The following TATDN1 variants were observed in gnomAD, a reference collection of about 807,000 sequenced individuals.
TATDN1 encodes deoxyribonuclease TATDN1.
Under a neutral mutation model 46.4 loss-of-function variants are expected in TATDN1, and 40 were observed. That is an observed-to-expected ratio of 0.86 (90% CI 0.67 to 1.12). The LOEUF is 1.12. Ranked by LOEUF, TATDN1 falls within the 50% of genes most tolerant of loss-of-function variation. The pLI is 0.00. For synonymous variants in TATDN1, 95 were observed against 105.6 expected (o/e 0.90, Z 0.62); for missense variants, 326 against 348.4 (o/e 0.94, Z 0.51).
At chr8:124,531,842 C>T (rs1820987200) in intron 1 of TATDN1, among the ~76,000 whole-genome samples, 1 of 152,250 alleles carries the variant, frequency 6.6e-6, no homozygotes, top group Middle Eastern at 3.4e-3. Flanking sequence ...CTGTCTACCC[C>T]ACTGAATCAT....
chr8:124,537,601 A>C (rs1440067410), intron 1 of TATDN1, among the ~76,000 whole-genome samples: 1 of 152,230 alleles, frequency 6.6e-6, no homozygotes, highest in Non-Finnish European at 1.5e-5. Flanking sequence ...TGGATTTAAG[A>C]CATTAACTTG....
chr8:124,495,009 A>T (rs1337585056), intron 10 of TATDN1: 1 of 158,618 alleles, frequency 6.3e-6, no homozygotes, highest in East Asian at 1.9e-4. Context: ...GGCGTGAGCC[A>T]CCGCGCCCGG....
intron 9 of TATDN1, among the ~76,000 whole-genome samples, chr8:124,495,766 A>C (rs62527901): frequency 0.15 from 23,517 of 152,232 alleles, 2,282 homozygotes; most frequent in Admixed American, 0.24. Context: ...CATGCTTATT[A>C]GTTGGTTTCC....
rs1222509908 is a variant in TATDN1 at position 124,501,141 on chromosome 8, A to T, written c.593+3130T>A. ...ACAGAGGAGTACAGGCGTCAGGCAC[A>T]GGCCTGAGCATGGAGACTGGGGCAG... On this transcript the variant is annotated intron_variant, in intron 9 of 11. Coordinates refer to ENST00000276692, the MANE Select transcript of TATDN1 (RefSeq NM_032026.4). 4.6e-5 allele frequency among the ~76,000 whole-genome samples: 7 copies of T among 152,366 alleles called. No individual in the cohort carries two copies. The East Asian group carries it at 1.4e-3, about 29-fold the overall frequency.
At chr8:124,514,735 A>G (rs1364640022) in intron 6 of TATDN1, among the ~76,000 whole-genome samples, 3 of 152,154 alleles carry the variant, frequency 2.0e-5, no homozygotes, top group Non-Finnish European at 2.9e-5. Flanking sequence ...ACACTCACCC[A>G]CCAGTATGAT....
chr8:124,535,820 C>A (rs987304150), intron 1 of TATDN1, among the ~76,000 whole-genome samples: 2 of 152,154 alleles, frequency 1.3e-5, no homozygotes, highest in Non-Finnish European at 2.9e-5. Context: ...TTGGGAGGAT[C>A]TCAGTAAGCT....
intron 8 of TATDN1, 114 bp downstream of exon 8, chr8:124,508,360 T>G: frequency 2.4e-6 from 2 of 819,956 alleles, no homozygotes; most frequent in Non-Finnish European, 1.9e-6. Flanking sequence ...TGTCATTATC[T>G]CATGCCAGTG....
chr8:124,528,319 G>A (rs559458459), intron 1 of TATDN1, among the ~76,000 whole-genome samples: 4 of 152,204 alleles, frequency 2.6e-5, no homozygotes, highest in Admixed American at 6.5e-5. Flanking sequence ...GACTACAGGC[G>A]CCTGCCGCCA....
intron 1 of TATDN1, among the ~76,000 whole-genome samples, chr8:124,529,450 CG>C (rs371353565): frequency 3.9e-5 from 6 of 152,118 alleles, no homozygotes; most frequent in African/African-American, 1.2e-4. Flanking sequence ...TGTAAGGATA[CG>C]GGGGGTTACA....
At chr8:124,511,031 G>C (rs571242826) in intron 6 of TATDN1, among the ~76,000 whole-genome samples, 1 of 152,056 alleles carries the variant, frequency 6.6e-6, no homozygotes, top group Admixed American at 6.6e-5. Flanking sequence ...AGAAAAACCC[G>C]CCATGGTAAC....
chr8:124,507,784 CAA>C (rs201337834), intron 8 of TATDN1, among the ~76,000 whole-genome samples: 11 of 93,540 alleles, frequency 1.2e-4, no homozygotes, highest in South Asian at 2.9e-4. Context: ...TCTTAATAAC[CAA>C]AAAAAAAAAA....
At chr8:124,493,092 G>GA (rs1037304102) in intron 11 of TATDN1, among the ~76,000 whole-genome samples, 17 of 151,808 alleles carry the variant, frequency 1.1e-4, no homozygotes, top group African/African-American at 3.6e-4. Flanking sequence ...AAAAACTACT[G>GA]AAAAAAAAGA....
intron 10 of TATDN1, 42 bp downstream of exon 10, chr8:124,495,430 G>T (rs1163395417): frequency 1.4e-6 from 2 of 1,455,824 alleles, no homozygotes; most frequent in Admixed American, 2.1e-5. Context: ...CTTTTTGTTT[G>T]GTATGGTTTA....
intron 11 of TATDN1, among the ~76,000 whole-genome samples, chr8:124,491,850 T>C (rs991235872): frequency 6.6e-6 from 1 of 152,246 alleles, no homozygotes; most frequent in Non-Finnish European, 1.5e-5. Context: ...AACTCATAAT[T>C]AGCAGTAGAT....
intron 1 of TATDN1, 78 bp from the exon 2 acceptor site, chr8:124,523,080 TA>T: frequency 7.5e-7 from 1 of 1,340,576 alleles, no homozygotes; most frequent in Non-Finnish European, 1.1e-6. Context: ...CTTCTGTTAC[TA>T]AACTTTTTGT....
At chr8:124,509,532 C>A (rs182732376) in intron 6 of TATDN1, among the ~76,000 whole-genome samples, 5 of 152,292 alleles carry the variant, frequency 3.3e-5, no homozygotes, top group Middle Eastern at 6.8e-3. Flanking sequence ...GTAGGTTCAA[C>A]TGAATCAGGA....
At chr8:124,495,835 CTGAG>C (rs1425404068) in intron 9 of TATDN1, among the ~76,000 whole-genome samples, 1 of 152,226 alleles carries the variant, frequency 6.6e-6, no homozygotes, top group African/African-American at 2.4e-5. Context: ...TCATCTGCTT[CTGAG>C]TAATTTGCGT....
At chr8:124,530,550 A>G (rs1055091476) in intron 1 of TATDN1, among the ~76,000 whole-genome samples, 6 of 152,178 alleles carry the variant, frequency 3.9e-5, no homozygotes, top group Non-Finnish European at 8.8e-5. Flanking sequence ...CAAGGGAAAA[A>G]CCATAAATCC....
chr8:124,521,414 A>G (rs1382623852), intron 3 of TATDN1, among the ~76,000 whole-genome samples: 1 of 152,220 alleles, frequency 6.6e-6, no homozygotes, highest in Admixed American at 6.5e-5. Flanking sequence ...CATTGTTTAA[A>G]GTGATTTACC....
Sources: gnomAD v4.1 joint callset for allele counts (sites outside exome capture counted in the v4.1 genomes callset) on GRCh38, gnomAD v4.1.1 for gene constraint, MANE v1.5 for transcripts, NCBI Gene and HGNC (gene_info 2026-07-23, HGNC 2026-07-21) for gene names.